Variants in CD58 observed in about 807,000 individuals in gnomAD.
The protein encoded by CD58 is CD58 molecule, also known as lymphocyte function-associated antigen 3.
CD58 carries 14 observed loss-of-function variants against 27.6 expected under a neutral mutation model. The observed-to-expected ratio is 0.51, with a 90% CI of 0.34 to 0.79. CD58 has a LOEUF of 0.79. Among genes scored for constraint, CD58 ranks in the 30% least tolerant of loss-of-function variants. The pLI is 0.02. For missense variants in CD58, 268 were observed against 301.7 expected, an observed-to-expected ratio of 0.89 and a Z score of 0.83; for synonymous variants, 117 against 103.8, an observed-to-expected ratio of 1.13 and a Z score of -0.77.
rs1658353495 is a variant in CD58, at chr1:116,550,429, T to A, written c.71-5825A>T. ...GATGCCATCTGAAGAAACCACTTTC[T>A]TTGCTCATCCATAAGAAGCAACTCC... On this transcript the variant is annotated intron_variant, in intron 1 of 5. Coordinates refer to ENST00000369489, the MANE Select transcript of CD58 (RefSeq NM_001779.3). The surrounding 1 kb of genome is among the most constrained non-coding windows in gnomAD (Gnocchi z 4.2). Among the ~76,000 whole-genome samples, 1 of 152,056 alleles carries A rather than the reference T, an allele frequency of 6.6e-6. No individual in the cohort carries two copies. The highest frequency in any genetic ancestry group is 6.5e-5 in the Admixed American group (1 of 15,278).
At position 116,515,893 on chromosome 1, in the gene CD58, TC is replaced by T. The variant is rs1376680507; in HGVS notation, c.744-1072del. On this transcript the variant is annotated intron_variant, in intron 5 of 5. Coordinates refer to ENST00000369489, the MANE Select transcript of CD58 (RefSeq NM_001779.3). This position sits in a 1 kb window ranked among gnomAD's most constrained non-coding sequence, Gnocchi z 4.6. The stretch of plus-strand genomic sequence containing the variant: ...CAGATGTCTGCTATCTACTCATCTG[TC>T]CTCTGTTGTTCCTAATTGGGTTTAG... Among the ~76,000 whole-genome samples, 3 of 152,142 alleles carry T rather than the reference TC, an allele frequency of 2.0e-5. No homozygotes were observed. The highest frequency in any genetic ancestry group is 2.9e-5 in the Non-Finnish European group (2 of 68,030).
At position 116,525,712 on chromosome 1, in the gene CD58, T is replaced by C. The variant is rs1371304457; in HGVS notation, c.629-3729A>G. Among the ~76,000 whole-genome samples the C allele has an allele frequency of 2.0e-5, 3 of 152,222 alleles. No individual in the cohort carries two copies. In the East Asian group the frequency reaches 5.8e-4, roughly 29 times the overall value. ...ATTTGGTGCTGTCAGTGTTCTAGATTTTGGCCAGTGTGATAGGCGTGAAGT... is the reference window on the plus strand; with the variant it reads ...ATTTGGTGCTGTCAGTGTTCTAGATCTTGGCCAGTGTGATAGGCGTGAAGT... On this transcript the variant is annotated intron_variant, in intron 3 of 5. Coordinates refer to ENST00000369489, the MANE Select transcript of CD58 (RefSeq NM_001779.3).
At position 116,570,331 on chromosome 1, in the gene CD58, A is replaced by C. The variant is rs1352723652; in HGVS notation, c.70+572T>G. Among the ~76,000 whole-genome samples, 1 of 152,194 alleles carries C rather than the reference A, an allele frequency of 6.6e-6. No individual in the cohort carries two copies. Among genetic ancestry groups the C allele is most frequent in the Non-Finnish European group, 1.5e-5 (1 of 68,018 alleles). Reference sequence around the variant, plus strand: ...AGGAGCAGGAGTCGCACCACTTAGGAATCCCAACGTGAGGCCGCTGCCGAC... The same window carrying C: ...AGGAGCAGGAGTCGCACCACTTAGGCATCCCAACGTGAGGCCGCTGCCGAC... On this transcript the variant is annotated intron_variant, in intron 1 of 5. Coordinates refer to ENST00000369489, the MANE Select transcript of CD58 (RefSeq NM_001779.3). The surrounding 1 kb of genome is among the most constrained non-coding windows in gnomAD (Gnocchi z 6.4).
At position 116,535,616 on chromosome 1, in the gene CD58, C is replaced by T. The variant is rs865826512; in HGVS notation, c.628+349G>A. Among the ~76,000 whole-genome samples, 15 of 98,088 alleles carry T rather than the reference C, an allele frequency of 1.5e-4. 1 individual carries two copies. The highest frequency in any genetic ancestry group is 5.8e-4 in the Admixed American group (5 of 8,606). The allele number at this position is 98,088 out of a possible 152,430, so 64.3% of individuals were successfully genotyped here. A position where few individuals can be genotyped will look rare whatever the true frequency, so the allele number is the denominator to read the frequency against. On this transcript the variant is annotated intron_variant, in intron 3 of 5. Transcript: ENST00000369489. ...CAGCACTTTGGGAGGCCGAGGCGGG[C>T]GGATCACGAGGTCAGGAGATCGAGA...
At chr1:116,539,431 CT>C (rs1337132860) in intron 2 of CD58, among the ~76,000 whole-genome samples, 8 of 151,938 alleles carry the variant, frequency 5.3e-5, no homozygotes, top group Admixed American at 5.2e-4. Context: ...TTATTTTCAT[CT>C]GTGAAAGGGA....
At chr1:116,535,721 G>C (rs1657774603) in intron 3 of CD58, among the ~76,000 whole-genome samples, 1 of 128,916 alleles carries the variant, frequency 7.8e-6, no homozygotes, top group Non-Finnish European at 1.5e-5. Flanking sequence ...GGCGCCTGTA[G>C]TCCCAGCTAC....
intron 1 of CD58, among the ~76,000 whole-genome samples, chr1:116,565,719 GT>G (rs1230495315): frequency 1.4e-5 from 2 of 147,912 alleles, no homozygotes; most frequent in Non-Finnish European, 3.0e-5. Context: ...GTTTTGTTTT[GT>G]TTTTTTGTTT....
intron 1 of CD58, among the ~76,000 whole-genome samples, chr1:116,548,897 C>T (rs562891896): frequency 6.6e-6 from 1 of 152,260 alleles, no homozygotes; most frequent in Admixed American, 6.5e-5. Context: ...TATCCCTCTC[C>T]ATGTCTACCT....
rs1657732795 is a variant in CD58 at position 116,534,657 on chromosome 1, C to A, written c.628+1308G>T. Among the ~76,000 whole-genome samples, 1 of 152,212 alleles carries A rather than the reference C, an allele frequency of 6.6e-6. No homozygotes were observed. The highest frequency in any genetic ancestry group is 2.4e-5 in the African/African-American group (1 of 41,466). On this transcript the variant is annotated intron_variant, in intron 3 of 5. Transcript: ENST00000369489. The surrounding 1 kb of genome is among the most constrained non-coding windows in gnomAD (Gnocchi z 5.3). ...AAGCCCCAGGCCCGCCGCGGCGGCGCTGCCCACCCTGACGAGGACGTCTAC... is the reference window on the plus strand; with the variant it reads ...AAGCCCCAGGCCCGCCGCGGCGGCGATGCCCACCCTGACGAGGACGTCTAC...
chr1:116,529,673 T>C (rs1288271039), intron 3 of CD58, among the ~76,000 whole-genome samples: 2 of 152,234 alleles, frequency 1.3e-5, no homozygotes, highest in Admixed American at 1.3e-4. Context: ...TTGTGTGGAT[T>C]AAATGTGACA....
In CD58 at chr1:116,524,083, T is replaced by G. The variant is rs1319646030; in HGVS notation, c.629-2100A>C. Among the ~76,000 whole-genome samples the G allele has an allele frequency of 1.3e-5, 2 of 152,200 alleles. No individual in the cohort carries two copies. The highest frequency in any genetic ancestry group is 4.8e-5 in the African/African-American group (2 of 41,450). On this transcript the variant is annotated intron_variant, in intron 3 of 5. Coordinates refer to ENST00000369489, the MANE Select transcript of CD58 (RefSeq NM_001779.3). The surrounding 1 kb of genome is among the most constrained non-coding windows in gnomAD (Gnocchi z 4.6). ...GTCCTGTTCGTACCATCATGTTAAG[T>G]CTTTTTGATAGCTTTCTTGTTCTGT...
chr1:116,533,730 T>C (rs1657695036), intron 3 of CD58: 1 of 698,276 alleles, frequency 1.4e-6, no homozygotes, highest in Non-Finnish European at 2.7e-6. Flanking sequence ...GCCATTCTGA[T>C]TCCATATCAG....
rs971375276 is a variant in CD58, at chr1:116,533,885, A to G, written c.628+2080T>C. ...GCGCATCTCACCTGAATTTGTTTCA[A>G]TGCATTAATTCTTCTTTTTACTGCT... On this transcript the variant is annotated intron_variant, in intron 3 of 5. Coordinates refer to ENST00000369489, the MANE Select transcript of CD58 (RefSeq NM_001779.3). 14 of 1,138,704 alleles carry G rather than the reference A, an allele frequency of 1.2e-5. No individual in the cohort carries two copies. The Admixed American group carries it at 1.9e-4, about 15-fold the overall frequency. 70.5% of individuals were successfully genotyped at this position (1,138,704 alleles called of 1,614,324 possible).
At position 116,532,043 on chromosome 1, in the gene CD58, A is replaced by C. The variant is rs564015654; in HGVS notation, c.628+3922T>G. On this transcript the variant is annotated intron_variant, in intron 3 of 5. Coordinates refer to ENST00000369489, the MANE Select transcript of CD58 (RefSeq NM_001779.3). This position sits in a 1 kb window ranked among gnomAD's most constrained non-coding sequence, Gnocchi z 5.1. ...GACTTGACGCTCATATGCTCAAATG[A>C]AACGCAGGACTTCCCAGCCCAGCCC... 7.2e-5 allele frequency among the ~76,000 whole-genome samples: 11 copies of C among 152,372 alleles called. No homozygotes were observed. The highest frequency in any genetic ancestry group is 1.5e-5 in the Non-Finnish European group (1 of 68,042).
intron 1 of CD58, among the ~76,000 whole-genome samples, chr1:116,547,650 A>G (rs1557840304): frequency 6.6e-6 from 1 of 151,734 alleles, no homozygotes; most frequent in African/African-American, 2.4e-5. Flanking sequence ...TTTTTATGGC[A>G]TATTCATATA....
rs776479243 is a variant in CD58, at chr1:116,514,838, ATAT to A, written c.744-19_744-17del. On this transcript the variant is annotated splice_polypyrimidine_tract_variant and intron_variant, in intron 5 of 5. Coordinates refer to ENST00000369489, the MANE Select transcript of CD58 (RefSeq NM_001779.3). ...TCAATTGGAGCTACAAAAAAAAATC[ATAT>A]TATTAACTTGTAAAATGCAGTAAAT... The A allele has an allele frequency of 4.4e-4, 674 of 1,546,492 alleles. 1 individual carries two copies. The highest frequency in any genetic ancestry group is 5.3e-4 in the Non-Finnish European group (596 of 1,122,814).
rs1345696385 is a variant in CD58 at position 116,532,908 on chromosome 1, C to G, written c.628+3057G>C. 7 of 1,009,318 alleles carry G rather than the reference C, an allele frequency of 6.9e-6. No individual in the cohort carries two copies. The highest frequency in any genetic ancestry group is 1.4e-5 in the South Asian group (1 of 73,556). 62.5% of individuals were successfully genotyped at this position (1,009,318 alleles called of 1,614,324 possible). On this transcript the variant is annotated intron_variant, in intron 3 of 5. Transcript: ENST00000369489. The surrounding 1 kb of genome is among the most constrained non-coding windows in gnomAD (Gnocchi z 5.1). The stretch of plus-strand genomic sequence containing the variant: ...GCTACAGGCCCGGAGTCGCGACAGC[C>G]GGTCTGCCAGGCGCCCACCTCCACT...
chr1:116,548,219 T>C (rs747987785), intron 1 of CD58, among the ~76,000 whole-genome samples: 2 of 152,256 alleles, frequency 1.3e-5, no homozygotes, highest in Non-Finnish European at 2.9e-5. Flanking sequence ...GTCAGATACA[T>C]AGTTTGTGAA....
chr1:116,530,490 C>A (rs991130552), intron 3 of CD58, among the ~76,000 whole-genome samples: 6 of 152,094 alleles, frequency 3.9e-5, no homozygotes, highest in African/African-American at 1.4e-4. Flanking sequence ...CAGGTGTGAG[C>A]CACCGCACCC....
Sources: gnomAD v4.1 joint callset for allele counts (sites outside exome capture counted in the v4.1 genomes callset) on GRCh38, gnomAD v4.1.1 for gene constraint, Gnocchi (gnomAD v3.1) non-coding constraint, MANE v1.5 for transcripts, NCBI Gene and HGNC (gene_info 2026-07-23, HGNC 2026-07-21) for gene names.